The following NXPH1 variants were observed in gnomAD, a reference collection of about 807,000 sequenced individuals.
NXPH1 encodes neurexophilin 1.
A neutral mutation model predicts 23.7 loss-of-function variants in NXPH1; 5 were observed. The ratio of observed to expected loss-of-function variants is 0.21; its 90% CI spans 0.11 to 0.44. The LOEUF is 0.44. NXPH1 is among the 20% of genes least tolerant of loss of function. The pLI is 0.99. For synonymous variants in NXPH1, 144 were observed against 122.2 expected, an observed-to-expected ratio of 1.18 and a Z score of -1.18; for missense variants, 324 against 321.6, an observed-to-expected ratio of 1.01 and a Z score of -0.06.
intron 2 of NXPH1, among the ~76,000 whole-genome samples, chr7:8,659,752 G>T (rs766643884): frequency 2.0e-5 from 3 of 152,056 alleles, no homozygotes; most frequent in African/African-American, 4.8e-5. Context: ...AATAATGAAA[G>T]AAATTTTCTT....
chr7:8,628,811 T>C (rs1416557352), intron 2 of NXPH1, among the ~76,000 whole-genome samples: 2 of 151,900 alleles, frequency 1.3e-5, no homozygotes, highest in East Asian at 3.9e-4. Context: ...GACGCGTATG[T>C]TTGAACAGAC....
Position 8,731,317 on chromosome 7 carries a change from G to A in NXPH1, c.55-19691G>A, listed in dbSNP as rs188306017. ...TCCCGTAGCTCAGAGTAATTTGATCGTCTGAAGCCTTCTTCTCTCAGCTCA... is the reference window on the plus strand; with the variant it reads ...TCCCGTAGCTCAGAGTAATTTGATCATCTGAAGCCTTCTTCTCTCAGCTCA... On this transcript the variant is annotated intron_variant, in intron 2 of 2. Transcript: ENST00000405863. 3.8e-3 allele frequency among the ~76,000 whole-genome samples: 581 copies of A among 152,076 alleles called. 2 individuals are homozygous for A. Among genetic ancestry groups the A allele is most frequent in the African/African-American group, 0.013 (522 of 41,496 alleles).
chr7:8,719,745 T>C (rs17154605), intron 2 of NXPH1, among the ~76,000 whole-genome samples: 9,982 of 152,220 alleles, frequency 0.066, 385 homozygotes, highest in East Asian at 0.17. Context: ...TGCAATGTTT[T>C]CCGACGTGAA....
intron 2 of NXPH1, among the ~76,000 whole-genome samples, chr7:8,519,171 G>T (rs1466964772): frequency 6.6e-6 from 1 of 152,026 alleles, no homozygotes; most frequent in African/African-American, 2.4e-5. Flanking sequence ...GCCAAGAATA[G>T]ACAATATATT....
intron 2 of NXPH1, among the ~76,000 whole-genome samples, chr7:8,746,183 G>A (rs2115232164): frequency 1.3e-5 from 2 of 152,304 alleles, no homozygotes; most frequent in South Asian, 4.1e-4. Context: ...AAAGAAATTG[G>A]AGTTGTTAGT....
At chr7:8,524,347 A>G (rs554733400) in intron 2 of NXPH1, among the ~76,000 whole-genome samples, 55 of 152,026 alleles carry the variant, frequency 3.6e-4, no homozygotes, top group African/African-American at 1.3e-3. Context: ...TATCCTCTTA[A>G]GGCTTGGCTC....
chr7:8,550,428 G>A (rs1818260143), intron 2 of NXPH1, among the ~76,000 whole-genome samples: 1 of 151,538 alleles, frequency 6.6e-6, no homozygotes, highest in African/African-American at 2.4e-5. Context: ...GGGTTCCACT[G>A]TTATAGAGTG....
chr7:8,549,399 C>T (rs1010985589), intron 2 of NXPH1, among the ~76,000 whole-genome samples: 27 of 151,530 alleles, frequency 1.8e-4, no homozygotes, highest in African/African-American at 5.6e-4. Context: ...CTTGTGAATC[C>T]TCATTTATCC....
intron 2 of NXPH1, among the ~76,000 whole-genome samples, chr7:8,637,938 A>G (rs1055448188): frequency 6.6e-6 from 1 of 152,204 alleles, no homozygotes; most frequent in African/African-American, 2.4e-5. Context: ...GAATAAGCTG[A>G]GCCCATACCT....
intron 2 of NXPH1, among the ~76,000 whole-genome samples, chr7:8,639,507 G>T (rs1052917496): frequency 6.6e-6 from 1 of 151,642 alleles, no homozygotes. Context: ...AATTTTTGCC[G>T]ATTTGTTGGC....
At chr7:8,689,397 A>T (rs764368920) in intron 2 of NXPH1, among the ~76,000 whole-genome samples, 2 of 152,056 alleles carry the variant, frequency 1.3e-5, no homozygotes, top group Non-Finnish European at 1.5e-5. Context: ...AAATTGAGGG[A>T]AGCAACACCT....
At chr7:8,574,127 C>T (rs1190125802) in intron 2 of NXPH1, among the ~76,000 whole-genome samples, 1 of 152,078 alleles carries the variant, frequency 6.6e-6, no homozygotes, top group Non-Finnish European at 1.5e-5. Flanking sequence ...TATTCAGGTA[C>T]ATATTGTCTA....
At chr7:8,685,100 C>T (rs1360031310) in intron 2 of NXPH1, among the ~76,000 whole-genome samples, 1 of 152,126 alleles carries the variant, frequency 6.6e-6, no homozygotes, top group African/African-American at 2.4e-5. Flanking sequence ...CTCTCAGGAA[C>T]AGTTTCTATC....
chr7:8,581,582 A>G (rs1235359623), intron 2 of NXPH1, among the ~76,000 whole-genome samples: 1 of 152,202 alleles, frequency 6.6e-6, no homozygotes, highest in Non-Finnish European at 1.5e-5. Context: ...ATCAGGGATT[A>G]CAGTTCGACG....
intron 2 of NXPH1, among the ~76,000 whole-genome samples, chr7:8,474,024 G>C (rs1439925849): frequency 6.6e-6 from 1 of 152,124 alleles, no homozygotes; most frequent in Non-Finnish European, 1.5e-5. Flanking sequence ...CAATCTACAA[G>C]AGCCTGCTGT....
chr7:8,581,949 TC>T (rs1818883484), intron 2 of NXPH1, among the ~76,000 whole-genome samples: 1 of 152,102 alleles, frequency 6.6e-6, no homozygotes, highest in African/African-American at 2.4e-5. Context: ...CCAGCCCAGA[TC>T]CTATACCTGC....
chr7:8,743,772 C>G (rs1780411795), intron 2 of NXPH1, among the ~76,000 whole-genome samples: 1 of 151,732 alleles, frequency 6.6e-6, no homozygotes, highest in Non-Finnish European at 1.5e-5. Context: ...CAAGCTCCGC[C>G]TCCCGAGTTC....
At chr7:8,666,585 T>C (rs1820771068) in intron 2 of NXPH1, among the ~76,000 whole-genome samples, 1 of 152,072 alleles carries the variant, frequency 6.6e-6, no homozygotes, top group Admixed American at 6.5e-5. Context: ...CTTTAATTTA[T>C]TGGAAGACTT....
intron 2 of NXPH1, among the ~76,000 whole-genome samples, chr7:8,748,455 G>A (rs1037382677): frequency 1.3e-5 from 2 of 152,184 alleles, no homozygotes; most frequent in African/African-American, 4.8e-5. Context: ...CCACAGCAGG[G>A]TGTTTGCTTA....
Sources: gnomAD v4.1 joint callset for allele counts (sites outside exome capture counted in the v4.1 genomes callset) on GRCh38, gnomAD v4.1.1 for gene constraint, MANE v1.5 for transcripts, NCBI Gene and HGNC (gene_info 2026-07-23, HGNC 2026-07-21) for gene names.